CNOT2: variants seen among roughly 807,000 people sequenced by gnomAD.
CNOT2 encodes the protein CCR4-NOT transcription complex subunit 2, also known as CC chemokine receptor 4-negative regulator of transcription 2.
A neutral mutation model predicts 72.1 loss-of-function variants in CNOT2; 7 were observed. That is an observed-to-expected ratio of 0.10 (90% CI 0.06 to 0.18). The LOEUF (loss-of-function observed/expected upper bound fraction) is 0.18. Among genes scored for constraint, CNOT2 ranks in the 10% least tolerant of loss-of-function variants. The pLI, the probability that CNOT2 is intolerant of heterozygous loss-of-function variation, is 1.00. For synonymous variants in CNOT2, 196 were observed against 225.6 expected (o/e 0.87, Z 1.17); for missense variants, 345 against 660.3 (o/e 0.52, Z 5.23).
intron 1 of CNOT2, among the ~76,000 whole-genome samples, chr12:70,262,096 TTTTTC>T (rs1958798174): frequency 6.6e-6 from 1 of 152,106 alleles, no homozygotes; most frequent in African/African-American, 2.4e-5. Context: ...GTTTTCTTTT[TTTTTC>T]TTTTCTTGGT....
chr12:70,344,064 C>T, intron 13 of CNOT2, 64 bp from the exon 14 acceptor site: 1 of 1,066,606 alleles, frequency 9.4e-7, no homozygotes, highest in South Asian at 1.6e-5. Flanking sequence ...TTAGTAGTAG[C>T]AACTATATAT....
At chr12:70,322,124 A>G (rs564974588) in intron 4 of CNOT2, 1 of 151,938 alleles carries the variant, frequency 6.6e-6, no homozygotes, top group East Asian at 1.9e-4. Flanking sequence ...ACTTAACATA[A>G]GTTTTTTGAA....
rs1394079898 is a variant in CNOT2 at position 70,327,409 on chromosome 12, GA to G, written c.239-2013del. 15 of 152,020 alleles carry G rather than the reference GA, an allele frequency of 9.9e-5. No homozygotes were observed. In the East Asian group the frequency reaches 2.5e-3, roughly 26 times the overall value. The allele number at this position is 152,020 out of a possible 1,614,324, so 9.4% of individuals were successfully genotyped here. The stretch of plus-strand genomic sequence containing the variant: ...AGGCACTCACAGAGGTGCTAATCGA[GA>G]GTTCTGTTGGGCTCCTGTCATGCTG... On this transcript the variant is annotated intron_variant, in intron 4 of 15. Coordinates refer to ENST00000229195, the MANE Select transcript of CNOT2 (RefSeq NM_014515.7).
intron 5 of CNOT2, 42 bp downstream of exon 5, chr12:70,329,612 G>GGT (rs1879625363): frequency 6.8e-7 from 1 of 1,463,278 alleles, no homozygotes; most frequent in African/African-American, 1.4e-5. Context: ...AATGTATCTT[G>GGT]GTAGAGTAAA....
At chr12:70,299,382 C>T (rs1204762707) in intron 2 of CNOT2, among the ~76,000 whole-genome samples, 2 of 99,014 alleles carry the variant, frequency 2.0e-5, no homozygotes, top group African/African-American at 3.1e-5. Context: ...CCTCCCCCCA[C>T]CCCCCAACAG....
At chr12:70,325,885 T>G (rs916361913) in intron 4 of CNOT2, among the ~76,000 whole-genome samples, 1 of 151,858 alleles carries the variant, frequency 6.6e-6, no homozygotes, top group African/African-American at 2.4e-5. Flanking sequence ...ATTCAGGGAT[T>G]TGGTTGCTAT....
intron 2 of CNOT2, among the ~76,000 whole-genome samples, chr12:70,287,458 G>T (rs1871100884): frequency 6.7e-6 from 1 of 149,254 alleles, no homozygotes; most frequent in African/African-American, 2.4e-5. Flanking sequence ...TAATTATCAG[G>T]TTTGTCTAGT....
chr12:70,341,211 G>C (rs913288159), intron 11 of CNOT2, among the ~76,000 whole-genome samples: 3 of 152,062 alleles, frequency 2.0e-5, no homozygotes, highest in African/African-American at 7.2e-5. Context: ...TCACAGGCCT[G>C]CAAGGTCTTA....
At chr12:70,332,011 G>A (rs1880027654) in intron 6 of CNOT2, among the ~76,000 whole-genome samples, 1 of 151,358 alleles carries the variant, frequency 6.6e-6, no homozygotes, top group African/African-American at 2.4e-5. Context: ...GTACAAAAAA[G>A]GGAGGGAGGC....
intron 1 of CNOT2, among the ~76,000 whole-genome samples, chr12:70,263,946 A>G (rs141533083): frequency 6.6e-6 from 1 of 152,266 alleles, no homozygotes; most frequent in African/African-American, 2.4e-5. Flanking sequence ...GACATGGGCA[A>G]TTATATTGGG....
Position 70,330,358 on chromosome 12 carries a change from G to A in CNOT2, c.458G>A (p.Ser153Asn), listed in dbSNP as rs780068172. The A allele has an allele frequency of 1.2e-6, 2 of 1,611,506 alleles. No individual in the cohort carries two copies. The highest frequency in any genetic ancestry group is 2.2e-5 in the South Asian group (2 of 90,996). Residue 153 changes from serine to asparagine, a missense_variant, in exon 6 of 16, where the codon AGC (serine) becomes AAC (asparagine). Physicochemically the swap from Ser to Asn is conservative, Grantham distance 46 (BLOSUM62 1). Coordinates refer to ENST00000229195, the MANE Select transcript of CNOT2 (RefSeq NM_014515.7). ...SQVGQGIGIP[S>N]RTNSMSSSGL... ...GTTGGTCAGGGCATTGGAATTCCTAGCAGGACAAATAGCATGAGCAGTTCA... is the reference window on the plus strand; with the variant it reads ...GTTGGTCAGGGCATTGGAATTCCTAACAGGACAAATAGCATGAGCAGTTCA...
chr12:70,325,499 T>C (rs749167657), intron 4 of CNOT2, among the ~76,000 whole-genome samples: 1 of 151,896 alleles, frequency 6.6e-6, no homozygotes, highest in Non-Finnish European at 1.5e-5. Context: ...AATTGGATCA[T>C]TGTCTTTAAT....
At chr12:70,333,837 A>G (rs1880296061) in intron 7 of CNOT2, among the ~76,000 whole-genome samples, 1 of 151,962 alleles carries the variant, frequency 6.6e-6, no homozygotes, top group African/African-American at 2.4e-5. Flanking sequence ...TAAAATGTAC[A>G]TTTCTTCATA....
chr12:70,327,263 TGA>T (rs1422985014), intron 4 of CNOT2, among the ~76,000 whole-genome samples: 1 of 151,250 alleles, frequency 6.6e-6, no homozygotes, highest in Non-Finnish European at 1.5e-5. Context: ...GGTATGACGA[TGA>T]GAGAGAAAGA....
At chr12:70,273,987 A>G (rs1381401690) in intron 1 of CNOT2, among the ~76,000 whole-genome samples, 1 of 152,140 alleles carries the variant, frequency 6.6e-6, no homozygotes, top group Non-Finnish European at 1.5e-5. Flanking sequence ...TTTTCTTTGT[A>G]GATATAGGCA....
chr12:70,322,338 C>T (rs1878433022), intron 4 of CNOT2: 1 of 151,724 alleles, frequency 6.6e-6, no homozygotes, highest in Non-Finnish European at 1.5e-5. Flanking sequence ...CCATGAGCTC[C>T]CTTAAGCTGT....
At chr12:70,266,986 T>C (rs796660730) in intron 1 of CNOT2, among the ~76,000 whole-genome samples, 1 of 152,194 alleles carries the variant, frequency 6.6e-6, no homozygotes, top group South Asian at 2.1e-4. Context: ...CTCATGTGAT[T>C]GATTCTTCTT....
intron 14 of CNOT2, chr12:70,345,827 A>G: frequency 6.0e-6 from 1 of 167,742 alleles, no homozygotes; most frequent in Non-Finnish European, 1.3e-5. Context: ...AGTGTTAAGA[A>G]GAGCAAGAAA....
At chr12:70,286,951 T>G (rs1017258388) in intron 2 of CNOT2, among the ~76,000 whole-genome samples, 1 of 151,636 alleles carries the variant, frequency 6.6e-6, no homozygotes, top group South Asian at 2.1e-4. Context: ...AAAAAAAAAT[T>G]TTTAGTTATA....
Sources: allele counts gnomAD v4.1 joint callset (sites outside exome capture counted in the v4.1 genomes callset), GRCh38; gene constraint gnomAD v4.1.1; transcripts MANE v1.5; gene names NCBI Gene and HGNC (gene_info 2026-07-23, HGNC 2026-07-21).